The following AGMO variants were observed in gnomAD, a reference collection of about 807,000 sequenced individuals.
AGMO encodes the protein glyceryl-ether monooxygenase.
In AGMO, 75 loss-of-function variants were observed where a neutral mutation model predicts 60.2. The ratio of observed to expected loss-of-function variants is 1.25; its 90% confidence interval spans 1.03 to 1.51. The LOEUF is 1.51. Ranked by LOEUF, AGMO falls within the 40% of genes most tolerant of loss-of-function variation. The pLI, the probability that AGMO is intolerant of heterozygous loss-of-function variation, is 0.00. For synonymous variants in AGMO, 261 were observed against 177.1 expected (o/e 1.47, Z -3.76); for missense variants, 763 against 525.5 (o/e 1.45, Z -4.42).
chr7:15,427,242 T>C (rs1055731400), intron 4 of AGMO, among the ~76,000 whole-genome samples: 1 of 152,208 alleles, frequency 6.6e-6, no homozygotes, highest in Non-Finnish European at 1.5e-5. Flanking sequence ...GCTCTGAGTA[T>C]AAGCACGTAC....
At chr7:15,361,375 T>C (rs1329467226) in intron 12 of AGMO, among the ~76,000 whole-genome samples, 31 of 150,618 alleles carry the variant, frequency 2.1e-4, no homozygotes, top group Non-Finnish European at 1.3e-4. Flanking sequence ...CCATCTCTAC[T>C]AAAAATACAA....
intron 12 of AGMO, among the ~76,000 whole-genome samples, chr7:15,243,628 T>A (rs1782661140): frequency 6.6e-6 from 1 of 152,158 alleles, no homozygotes; most frequent in Non-Finnish European, 1.5e-5. Context: ...AAGATTTAAA[T>A]TGGATTTTAA....
chr7:15,528,908 A>G (rs954830932), intron 3 of AGMO, among the ~76,000 whole-genome samples: 1 of 152,128 alleles, frequency 6.6e-6, no homozygotes, highest in Non-Finnish European at 1.5e-5. Flanking sequence ...TCAGCCTCCC[A>G]AAGCACTGGG....
intron 12 of AGMO, among the ~76,000 whole-genome samples, chr7:15,202,129 C>T (rs1024805762): frequency 1.3e-5 from 2 of 152,008 alleles, no homozygotes; most frequent in African/African-American, 4.8e-5. Context: ...GCCAAAACAA[C>T]CAGAGTTATT....
intron 12 of AGMO, among the ~76,000 whole-genome samples, chr7:15,265,035 T>C (rs1783391196): frequency 6.6e-6 from 1 of 152,172 alleles, no homozygotes; most frequent in East Asian, 1.9e-4. Context: ...TAAACCTATG[T>C]GCCCATCAAT....
At chr7:15,559,230 C>G (rs77955691) in intron 2 of AGMO, among the ~76,000 whole-genome samples, 1 of 152,018 alleles carries the variant, frequency 6.6e-6, no homozygotes, top group East Asian at 1.9e-4. Context: ...TCATTCCAGG[C>G]ACAGGAGCTA....
intron 12 of AGMO, among the ~76,000 whole-genome samples, chr7:15,244,588 C>T (rs950625742): frequency 3.9e-5 from 6 of 152,104 alleles, no homozygotes; most frequent in Non-Finnish European, 8.8e-5. Flanking sequence ...GAGACCAGTA[C>T]TTCTTTTCTG....
intron 10 of AGMO, among the ~76,000 whole-genome samples, chr7:15,375,846 A>G (rs192926723): frequency 1.3e-5 from 2 of 152,264 alleles, no homozygotes; most frequent in African/African-American, 2.4e-5. Flanking sequence ...TGAGGAGGTT[A>G]TCATTGTGTT....
chr7:15,121,879 T>A, the AGMO span, among the ~76,000 whole-genome samples: 1 of 151,826 alleles, frequency 6.6e-6, no homozygotes, highest in Non-Finnish European at 1.5e-5. Flanking sequence ...AACTGAAACT[T>A]CCTAACACAT....
chr7:15,442,549 AT>A (rs1481552896), intron 3 of AGMO, among the ~76,000 whole-genome samples: 1 of 152,038 alleles, frequency 6.6e-6, no homozygotes, highest in Non-Finnish European at 1.5e-5. Context: ...CCAAACCCAA[AT>A]CTATTTACTA....
chr7:15,246,749 G>A (rs985150311), intron 12 of AGMO, among the ~76,000 whole-genome samples: 1 of 151,832 alleles, frequency 6.6e-6, no homozygotes, highest in African/African-American at 2.4e-5. Flanking sequence ...CTTTAAACAG[G>A]CCTAAGATTC....
chr7:15,143,301 C>T, the AGMO span, among the ~76,000 whole-genome samples: 114 of 152,282 alleles, frequency 7.5e-4, no homozygotes, highest in African/African-American at 2.3e-3. Context: ...AATCCCCTGA[C>T]GTCATGCATT....
In AGMO at chr7:15,368,925, G is replaced by A. The variant is rs540001558; in HGVS notation, c.1075-2703C>T. ...CACCACCTAGTCAACATCTCTAACT[G>A]GTGAACGGGCAACTGAAACTTGGCA... On this transcript the variant is annotated intron_variant, in intron 10 of 12. Transcript: ENST00000342526. 2.2e-4 allele frequency among the ~76,000 whole-genome samples: 33 copies of A among 152,166 alleles called. No homozygotes were observed. The East Asian group carries it at 5.4e-3, about 25-fold the overall frequency.
chr7:15,469,129 T>G (rs1222484167), intron 3 of AGMO, among the ~76,000 whole-genome samples: 4 of 152,116 alleles, frequency 2.6e-5, no homozygotes, highest in Non-Finnish European at 5.9e-5. Flanking sequence ...TTTGTGTTGA[T>G]AAGTTACCAC....
rs1469650630 is a variant in AGMO, at chr7:15,544,755, C to A, written c.409+17G>T. On this transcript the variant is annotated intron_variant, in intron 3 of 12. Coordinates refer to ENST00000342526, the MANE Select transcript of AGMO (RefSeq NM_001004320.2). ...AGTTCAACATAAGTTAACAAAAAGTCCTCATTTGCAGCTTACCATGAGCCA... is the reference window on the plus strand; with the variant it reads ...AGTTCAACATAAGTTAACAAAAAGTACTCATTTGCAGCTTACCATGAGCCA... The A allele has an allele frequency of 5.2e-6, 8 of 1,552,552 alleles. No individual in the cohort carries two copies. In the African/African-American group the frequency reaches 1.1e-4, roughly 21 times the overall value.
chr7:15,443,769 G>A (rs758799548), intron 3 of AGMO, among the ~76,000 whole-genome samples: 2 of 152,076 alleles, frequency 1.3e-5, no homozygotes, highest in Admixed American at 6.5e-5. Flanking sequence ...AAAATCAGAA[G>A]AGTAATAGTT....
intron 12 of AGMO, among the ~76,000 whole-genome samples, chr7:15,229,873 T>C (rs1016995073): frequency 6.6e-6 from 1 of 151,134 alleles, no homozygotes; most frequent in Non-Finnish European, 1.5e-5. Context: ...ATGTACTAGA[T>C]GTTATTCTGT....
chr7:15,466,336 C>T (rs907911458), intron 3 of AGMO, among the ~76,000 whole-genome samples: 10 of 152,118 alleles, frequency 6.6e-5, no homozygotes, highest in African/African-American at 2.2e-4. Context: ...TTTATGCATC[C>T]TTGCTGCTCG....
At chr7:15,204,459 T>A (rs1781389038) in intron 12 of AGMO, among the ~76,000 whole-genome samples, 1 of 149,652 alleles carries the variant, frequency 6.7e-6, no homozygotes, top group South Asian at 2.1e-4. Flanking sequence ...AACTGTAGAC[T>A]TCTTATTTTG....
Sources: allele counts gnomAD v4.1 joint callset (sites outside exome capture counted in the v4.1 genomes callset), GRCh38; gene constraint gnomAD v4.1.1; transcripts MANE v1.5; gene names NCBI Gene and HGNC (gene_info 2026-07-23, HGNC 2026-07-21).